ABHD17A: variants seen among roughly 807,000 people sequenced by gnomAD.
ABHD17A encodes abhydrolase domain containing 17A, depalmitoylase.
In ABHD17A, 10 loss-of-function variants were observed where a neutral mutation model predicts 26.8. The ratio of observed to expected loss-of-function variants is 0.37; its 90% CI spans 0.23 to 0.63. The LOEUF (loss-of-function observed/expected upper bound fraction) is 0.63. Ranked by LOEUF, ABHD17A falls within the 30% of genes least tolerant of loss-of-function variation. The pLI, the probability that ABHD17A is intolerant of heterozygous loss-of-function variation, is 0.61. For missense variants in ABHD17A, 292 were observed against 457.3 expected, an observed-to-expected ratio of 0.64 and a Z score of 3.30; for synonymous variants, 167 against 210.9, an observed-to-expected ratio of 0.79 and a Z score of 1.80.
Position 1,880,980 on chromosome 19 carries a change from T to C in ABHD17A, c.332+255A>G. The C allele has an allele frequency of 6.2e-7, 1 of 1,612,426 alleles. No individual in the cohort carries two copies. Among genetic ancestry groups the C allele is most frequent in the East Asian group, 2.2e-5 (1 of 44,876 alleles). On this transcript the variant is annotated intron_variant, in intron 2 of 4. Coordinates refer to ENST00000292577, the MANE Select transcript of ABHD17A (RefSeq NM_001130111.2). The surrounding 1 kb of genome is among the most constrained non-coding windows in gnomAD (Gnocchi z 4.1). Reference sequence around the variant, plus strand: ...CAGCAGGCAACCACCAGGCGCTGGGTTGTTGGAGTCGCCCAGCCTGCCCAC... The same window carrying C: ...CAGCAGGCAACCACCAGGCGCTGGGCTGTTGGAGTCGCCCAGCCTGCCCAC...
At chr19:1,884,413 T>TG (rs2012619293) in intron 1 of ABHD17A, among the ~76,000 whole-genome samples, 1 of 152,102 alleles carries the variant, frequency 6.6e-6, no homozygotes, top group South Asian at 2.1e-4. Context: ...CCTCACTCAC[T>TG]GGGCACACAC....
Position 1,877,258 on chromosome 19 carries a change from T to C in ABHD17A, c.875A>G (p.Gln292Arg), listed in dbSNP as rs1466416968. 3 of 1,545,954 alleles carry C rather than the reference T, an allele frequency of 1.9e-6. No individual in the cohort carries two copies. The highest frequency in any genetic ancestry group is 2.3e-5 in the East Asian group (1 of 42,868). ...GAAGCGACGCAGGCGCTCCAGGTAC[T>C]GGCTGTAGAGCTCGATGTCGTTGTG... ...AGHNDIELYS[Q>R]YLERLRRFIS... The change falls in exon 5 of 5, where the codon CAG (glutamine) becomes CGG (arginine). Residue 292 changes from glutamine (Q) to arginine (R), a missense_variant. Transcript: ENST00000292577.
At chr19:1,877,901 C>T in intron 3 of ABHD17A, 1 of 558,228 alleles carries the variant, frequency 1.8e-6, no homozygotes. Flanking sequence ...CGCCCCGTTC[C>T]CTGCGCTGCC....
At position 1,880,940 on chromosome 19, in the gene ABHD17A, G is replaced by C. The variant is rs2145393036; in HGVS notation, c.332+295C>G. ...ACCCGCAGGCCAGGGCAGCCCCTGTGCCCCAGCTCTTGCCCAGCAGGCAAC... is the reference window on the plus strand; with the variant it reads ...ACCCGCAGGCCAGGGCAGCCCCTGTCCCCCAGCTCTTGCCCAGCAGGCAAC... On this transcript the variant is annotated intron_variant, in intron 2 of 4. Coordinates refer to ENST00000292577, the MANE Select transcript of ABHD17A (RefSeq NM_001130111.2). This position sits in a 1 kb window ranked among gnomAD's most constrained non-coding sequence, Gnocchi z 4.1. 1 of 1,613,068 alleles carries C rather than the reference G, an allele frequency of 6.2e-7. No homozygotes were observed. Among genetic ancestry groups the C allele is most frequent in the East Asian group, 2.2e-5 (1 of 44,874 alleles).
chr19:1,881,393 G>A lies in ABHD17A; in HGVS notation c.174C>T (p.Ala58=). The change falls in exon 2 of 5, where the codon GCC becomes GCT. Residue 58 remains alanine (A), a synonymous_variant. Coordinates refer to ENST00000292577, the MANE Select transcript of ABHD17A (RefSeq NM_001130111.2). ...AGAAPLGTLR[A]SSGAPGRWKL... ...TCCAGCGCCCGGGTGCGCCCGAGGA[G>A]GCTCTCAGGGTCCCCAAGGGGGCGG... 6.2e-7 allele frequency: 1 copy of A among 1,604,888 alleles called. No homozygotes were observed. Among genetic ancestry groups the A allele is most frequent in the Non-Finnish European group, 8.5e-7 (1 of 1,178,888 alleles).
intron 1 of ABHD17A, chr19:1,882,325 T>G (rs574851434): frequency 2.6e-5 from 4 of 152,416 alleles, no homozygotes; most frequent in Admixed American, 6.5e-5. Flanking sequence ...CCCACCGGCC[T>G]GCGATGTCTG....
At chr19:1,882,964 CACAGACACGGCTCGTGGG>C (rs949022395) in intron 1 of ABHD17A, 1 of 152,224 alleles carries the variant, frequency 6.6e-6, no homozygotes, top group Non-Finnish European at 1.5e-5. Flanking sequence ...CTGCAGGCGC[CACAGACACGGCTCGTGGG>C]GACACCCTCA....
At position 1,880,898 on chromosome 19, in the gene ABHD17A, G is replaced by A; in HGVS notation, c.332+337C>T. On this transcript the variant is annotated intron_variant, in intron 2 of 4. Transcript: ENST00000292577. The surrounding 1 kb of genome is among the most constrained non-coding windows in gnomAD (Gnocchi z 4.1). ...CTCAGATCTGGTCAGAACCCCACCT[G>A]GCGAGAAGGTGGATGTACCCGCAGG... 1 of 1,613,060 alleles carries A rather than the reference G, an allele frequency of 6.2e-7. No homozygotes were observed. Among genetic ancestry groups the A allele is most frequent in the South Asian group, 1.1e-5 (1 of 91,080 alleles).
intron 2 of ABHD17A, 127 bp downstream of exon 2, chr19:1,881,108 G>A: frequency 7.6e-6 from 12 of 1,570,264 alleles, no homozygotes; most frequent in Non-Finnish European, 9.5e-6. Flanking sequence ...CACCCTTGCT[G>A]GCTGGATGGC....
chr19:1,877,930 G>A (rs2012416984), intron 3 of ABHD17A: 1 of 530,134 alleles, frequency 1.9e-6, no homozygotes, highest in Non-Finnish European at 3.4e-6. Context: ...GCGTTTCCTA[G>A]CTAGGATCTG....
In ABHD17A at chr19:1,877,102, C is replaced by T. The variant is rs576225751; in HGVS notation, c.*98G>A. The T allele has an allele frequency of 4.7e-6, 6 of 1,271,724 alleles. No homozygotes were observed. In the African/African-American group the frequency reaches 7.3e-5, roughly 16 times the overall value. 78.8% of individuals were successfully genotyped at this position (1,271,724 alleles called of 1,614,324 possible). ...TGGGTCGGGGCGGGGTCCCCTGGGC[C>T]GCCCGGGGGGTCCACATGCAGCCCC... On this transcript the variant is annotated 3_prime_UTR_variant, in exon 5 of 5. Transcript: ENST00000292577.
Position 1,877,099 on chromosome 19 carries a change from G to C in ABHD17A, c.*101C>G. 3.3e-6 allele frequency: 4 copies of C among 1,221,966 alleles called. No homozygotes were observed. The South Asian group carries it at 5.9e-5, about 18-fold the overall frequency. 75.7% of individuals were successfully genotyped at this position (1,221,966 alleles called of 1,614,324 possible). Reference sequence around the variant, plus strand: ...CCCTGGGTCGGGGCGGGGTCCCCTGGGCCGCCCGGGGGGTCCACATGCAGC... The same window carrying C: ...CCCTGGGTCGGGGCGGGGTCCCCTGCGCCGCCCGGGGGGTCCACATGCAGC... On this transcript the variant is annotated 3_prime_UTR_variant, in exon 5 of 5. Transcript: ENST00000292577.
chr19:1,882,894 C>A (rs1053210535), intron 1 of ABHD17A: 2 of 152,050 alleles, frequency 1.3e-5, no homozygotes, highest in Non-Finnish European at 2.9e-5. Context: ...ATGAGAAAAC[C>A]GTGGGGCCAG....
In ABHD17A at chr19:1,877,406, T is replaced by C. The variant is rs56142433; in HGVS notation, c.727A>G (p.Ile243Val). 6.4e-7 allele frequency: 1 copy of C among 1,568,566 alleles called. No homozygotes were observed. The highest frequency in any genetic ancestry group is 8.6e-7 in the Non-Finnish European group (1 of 1,164,166). ...TGGATGATGAGCACGGGAGACGTGA[T>C]CTTGGACACCTTCTCGATGCTGCGG... ...AFPNIEKVSK[I>V]TSPVLIIHGT... Residue 243 changes from isoleucine to valine, a missense_variant, in exon 5 of 5, where the codon ATC becomes GTC. Around this residue, in one of 4 missense-constraint regions of ABHD17A, gnomAD observed 88 missense variants for 134.3 expected, o/e 0.66. Coordinates refer to ENST00000292577, the MANE Select transcript of ABHD17A (RefSeq NM_001130111.2).
rs1196323301 is a variant in ABHD17A at position 1,881,761 on chromosome 19, G to A, written c.-195C>T. The A allele has an allele frequency of 1.6e-5, 11 of 681,670 alleles. No individual in the cohort carries two copies. Among genetic ancestry groups the A allele is most frequent in the Non-Finnish European group, 2.4e-5 (11 of 451,810 alleles). The allele number at this position is 681,670 out of a possible 1,614,324, so 42.2% of individuals were successfully genotyped here. A position where few individuals can be genotyped will look rare whatever the true frequency, so the allele number is the denominator to read the frequency against. Reference sequence around the variant, plus strand: ...CATCGCGGTCCAAGCCGAGCCCCAGGGAGCCTCGCAACCACAGGTCTCCAT... The same window carrying A: ...CATCGCGGTCCAAGCCGAGCCCCAGAGAGCCTCGCAACCACAGGTCTCCAT... On this transcript the variant is annotated 5_prime_UTR_variant, in exon 2 of 5. Coordinates refer to ENST00000292577, the MANE Select transcript of ABHD17A (RefSeq NM_001130111.2).
chr19:1,883,203 G>A (rs1730474269), intron 1 of ABHD17A: 2 of 152,212 alleles, frequency 1.3e-5, no homozygotes, highest in African/African-American at 2.4e-5. Flanking sequence ...GCCGGGAGGT[G>A]GACTGTCAGG....
In ABHD17A at chr19:1,877,073, C is replaced by A; in HGVS notation, c.*127G>T. 3.0e-6 allele frequency: 2 copies of A among 671,268 alleles called. No individual in the cohort carries two copies. Among genetic ancestry groups the A allele is most frequent in the Non-Finnish European group, 5.0e-6 (2 of 398,992 alleles). The allele number at this position is 671,268 out of a possible 1,614,324, so 41.6% of individuals were successfully genotyped here. A position where few individuals can be genotyped will look rare whatever the true frequency, so the allele number is the denominator to read the frequency against. ...TCTGTTGCCTGTACATCGTCCACAGCCCCTGGGTCGGGGCGGGGTCCCCTG... is the reference window on the plus strand; with the variant it reads ...TCTGTTGCCTGTACATCGTCCACAGACCCTGGGTCGGGGCGGGGTCCCCTG... On this transcript the variant is annotated 3_prime_UTR_variant, in exon 5 of 5. Transcript: ENST00000292577.
In ABHD17A at chr19:1,877,040, T is replaced by A; in HGVS notation, c.*160A>T. ...CTTCTTGCTTCCAAAAGGAAAGGAG[T>A]GCGTAGCTCTGTTGCCTGTACATCG... On this transcript the variant is annotated 3_prime_UTR_variant, in exon 5 of 5. Coordinates refer to ENST00000292577, the MANE Select transcript of ABHD17A (RefSeq NM_001130111.2). 5.1e-6 allele frequency: 3 copies of A among 589,688 alleles called. No homozygotes were observed. The highest frequency in any genetic ancestry group is 9.1e-6 in the Non-Finnish European group (3 of 331,224). The allele number at this position is 589,688 out of a possible 1,614,324, so 36.5% of individuals were successfully genotyped here.
chr19:1,881,716 A>T lies in ABHD17A; in HGVS notation c.-150T>A. ...TACCGCCCCAGACAGCAGCCCCGTT[A>T]GGAGGCCAGGGCCCAGCCCCATCGC... On this transcript the variant is annotated 5_prime_UTR_variant, in exon 2 of 5. It removes the in-frame stop codon of an upstream open reading frame in the 5' UTR. Coordinates refer to ENST00000292577, the MANE Select transcript of ABHD17A (RefSeq NM_001130111.2). The T allele has an allele frequency of 8.6e-7, 1 of 1,156,536 alleles. No homozygotes were observed. The allele number at this position is 1,156,536 out of a possible 1,614,324, so 71.6% of individuals were successfully genotyped here.
Sources: gnomAD v4.1 joint callset for allele counts (sites outside exome capture counted in the v4.1 genomes callset) on GRCh38, gnomAD v4.1.1 for gene constraint, gnomAD v4.1.1 regional missense constraint, Gnocchi (gnomAD v3.1) non-coding constraint, MANE v1.5 for transcripts, NCBI Gene and HGNC (gene_info 2026-07-23, HGNC 2026-07-21) for gene names.